The following TCERG1L variants were observed in gnomAD, a reference collection of about 807,000 sequenced individuals.
TCERG1L encodes transcription elongation regulator 1 like, also known as transcription elongation regulator 1-like protein.
In TCERG1L, 37 loss-of-function variants were observed where a neutral mutation model predicts 56.3. The ratio of observed to expected loss-of-function variants is 0.66; its 90% CI spans 0.51 to 0.87. TCERG1L has a LOEUF of 0.87. Ranked by LOEUF, TCERG1L falls within the 40% of genes least tolerant of loss-of-function variation. The probability of loss-of-function intolerance (pLI) is 0.00; values close to 1 mark genes in which losing one functional copy is unlikely to be tolerated. For missense variants in TCERG1L, 799 were observed against 774.2 expected (o/e 1.03, Z -0.38); for synonymous variants, 324 against 326.3 (o/e 0.99, Z 0.08).
intron 4 of TCERG1L, among the ~76,000 whole-genome samples, chr10:131,232,355 C>G (rs960237388): frequency 6.6e-6 from 1 of 152,210 alleles, no homozygotes; most frequent in Non-Finnish European, 1.5e-5. Context: ...CAGTGGCACA[C>G]GCCGGGGCAC....
chr10:131,199,727 T>C (rs2133472219), intron 4 of TCERG1L, among the ~76,000 whole-genome samples: 1 of 152,264 alleles, frequency 6.6e-6, no homozygotes, highest in South Asian at 2.1e-4. Flanking sequence ...AAGGGCCACA[T>C]ACCAGGCACC....
chr10:131,160,611 A>G (rs1323550157), intron 6 of TCERG1L: 2 of 152,162 alleles, frequency 1.3e-5, no homozygotes. Flanking sequence ...CACGTGGACC[A>G]AGCTACCTCC....
At chr10:131,224,051 G>A (rs147989933) in intron 4 of TCERG1L, among the ~76,000 whole-genome samples, 24 of 152,092 alleles carry the variant, frequency 1.6e-4, no homozygotes, top group East Asian at 1.4e-3. Context: ...ACTTCCAACC[G>A]TTTCCTTTTA....
chr10:131,129,642 C>T (rs1845597528), intron 8 of TCERG1L, among the ~76,000 whole-genome samples: 1 of 152,168 alleles, frequency 6.6e-6, no homozygotes, highest in Non-Finnish European at 1.5e-5. Context: ...CATCTTACGC[C>T]ACCTATCTCT....
At chr10:131,123,296 G>A (rs1184172963) in intron 8 of TCERG1L, among the ~76,000 whole-genome samples, 1 of 152,198 alleles carries the variant, frequency 6.6e-6, no homozygotes, top group Non-Finnish European at 1.5e-5. Context: ...GATGCTGGAT[G>A]CTCAGGAAGT....
At chr10:131,093,491 C>T (rs575061553) in intron 11 of TCERG1L, among the ~76,000 whole-genome samples, 173 bp from the exon 12 acceptor site, 51 of 152,248 alleles carry the variant, frequency 3.3e-4, no homozygotes, top group East Asian at 1.9e-4. Context: ...GCTCCTCACC[C>T]GGGTCCTGCA....
At chr10:131,204,669 G>A (rs2051992355) in intron 4 of TCERG1L, among the ~76,000 whole-genome samples, 1 of 152,192 alleles carries the variant, frequency 6.6e-6, no homozygotes, top group South Asian at 2.1e-4. Flanking sequence ...CCTTCCACTA[G>A]AGGCTAAAAT....
intron 4 of TCERG1L, among the ~76,000 whole-genome samples, chr10:131,210,137 C>G (rs767993794): frequency 7.9e-5 from 12 of 152,242 alleles, no homozygotes; most frequent in Non-Finnish European, 1.3e-4. Flanking sequence ...GATTTTCCAG[C>G]ATTTTGTCAT....
In TCERG1L at chr10:131,135,459, T is replaced by C. The variant is rs142712491; in HGVS notation, c.1190-1011A>G. 7.6e-3 allele frequency among the ~76,000 whole-genome samples: 1,165 copies of C among 152,296 alleles called. 8 individuals carry two copies. The highest frequency in any genetic ancestry group is 0.027 in the South Asian group (130 of 4,830). On this transcript the variant is annotated intron_variant, in intron 7 of 11. Transcript: ENST00000368642. ...ATCGCAGGGGCCTCTGCACATTTTC[T>C]TTCTATAAAACCCGACAATTCTCCC...
intron 4 of TCERG1L, among the ~76,000 whole-genome samples, chr10:131,177,119 C>A (rs1305719691): frequency 2.0e-3 from 1 of 490 alleles, no homozygotes. Flanking sequence ...GACACGTGTA[C>A]ACACAGAGAT....
rs58892586 is a variant in TCERG1L at position 131,309,834 on chromosome 10, CAAAAAA to C, written c.343-541_343-536del. Reference sequence around the variant, plus strand: ...TCACCAATACAAATAGATTCTATGGCAAAAAAAAAAAAAAAAAAAAAAAAACTAAGC... The same window carrying C: ...TCACCAATACAAATAGATTCTATGGCAAAAAAAAAAAAAAAAAAACTAAGC... On this transcript the variant is annotated intron_variant, in intron 1 of 11. Transcript: ENST00000368642. Among the ~76,000 whole-genome samples, 13 of 49,822 alleles carry C rather than the reference CAAAAAA, an allele frequency of 2.6e-4. 1 individual carries two copies. Among genetic ancestry groups the C allele is most frequent in the Non-Finnish European group, 2.8e-4 (8 of 28,710 alleles). The allele number at this position is 49,822 out of a possible 152,430, so 32.7% of individuals were successfully genotyped here. A position where few individuals can be genotyped will look rare whatever the true frequency, so the allele number is the denominator to read the frequency against.
At position 131,102,729 on chromosome 10, in the gene TCERG1L, A is replaced by C. The variant is rs1275790707; in HGVS notation, c.1485+1536T>G. 3.3e-5 allele frequency among the ~76,000 whole-genome samples: 5 copies of C among 152,272 alleles called. No individual in the cohort carries two copies. The East Asian group carries it at 9.7e-4, about 30-fold the overall frequency. On this transcript the variant is annotated intron_variant, in intron 10 of 11. Coordinates refer to ENST00000368642, the MANE Select transcript of TCERG1L (RefSeq NM_174937.4). ...AAGAGAGGGCAAGACGTGACCGCAC[A>C]CATGGAGTCTAACTGGGGCAGGGAA...
intron 8 of TCERG1L, among the ~76,000 whole-genome samples, chr10:131,123,827 C>T (rs1317339459): frequency 4.6e-5 from 7 of 152,162 alleles, no homozygotes; most frequent in African/African-American, 9.7e-5. Flanking sequence ...TAGGACCCCA[C>T]GGAGCCGAGA....
At chr10:131,124,954 A>G (rs1264832281) in intron 8 of TCERG1L, among the ~76,000 whole-genome samples, 1 of 152,262 alleles carries the variant, frequency 6.6e-6, no homozygotes, top group Admixed American at 6.5e-5. Context: ...AAATGAAATA[A>G]GAAGAATCCC....
At chr10:131,245,885 C>A (rs1846029270) in intron 4 of TCERG1L, among the ~76,000 whole-genome samples, 1 of 152,056 alleles carries the variant, frequency 6.6e-6, no homozygotes, top group African/African-American at 2.4e-5. Context: ...TGGCAGAGGC[C>A]TCGGGTGGAT....
chr10:131,174,410 G>A lies in TCERG1L; in HGVS notation c.857-7525C>T, dbSNP rs1170452406. On this transcript the variant is annotated intron_variant, in intron 4 of 11. Coordinates refer to ENST00000368642, the MANE Select transcript of TCERG1L (RefSeq NM_174937.4). ...GCCCTGCTCAGTAGGCCAGGAGGAC[G>A]CCAGCTGGCTGGGCTGCTGTGCGGT... Among the ~76,000 whole-genome samples the A allele has an allele frequency of 2.6e-5, 4 of 152,270 alleles. No homozygotes were observed. In the East Asian group the frequency reaches 5.8e-4, roughly 22 times the overall value.
At chr10:131,270,707 G>C (rs1589767881) in intron 3 of TCERG1L, among the ~76,000 whole-genome samples, 1 of 152,228 alleles carries the variant, frequency 6.6e-6, no homozygotes, top group East Asian at 1.9e-4. Flanking sequence ...AAGAGTTTTG[G>C]TTGCATGTTT....
chr10:131,177,573 C>G (rs1401062273), intron 4 of TCERG1L, among the ~76,000 whole-genome samples: 4 of 152,254 alleles, frequency 2.6e-5, no homozygotes, highest in Admixed American at 6.5e-5. Context: ...GCATGCCCAT[C>G]TGCAGTGGTA....
chr10:131,252,789 G>A (rs1388109183), intron 4 of TCERG1L, among the ~76,000 whole-genome samples: 3 of 152,330 alleles, frequency 2.0e-5, no homozygotes, highest in African/African-American at 7.2e-5. Flanking sequence ...GCTGCAGTGA[G>A]TACACTATGA....
Sources: gnomAD v4.1 joint callset for allele counts (sites outside exome capture counted in the v4.1 genomes callset) on GRCh38, gnomAD v4.1.1 for gene constraint, MANE v1.5 for transcripts, NCBI Gene and HGNC (gene_info 2026-07-23, HGNC 2026-07-21) for gene names.